IQGAP2: variants seen among roughly 807,000 people sequenced by gnomAD.
IQGAP2 encodes the protein IQ motif containing GTPase activating protein 2.
In IQGAP2, 173 loss-of-function variants were observed where a neutral mutation model predicts 201.3. That is an observed-to-expected ratio of 0.86 (90% CI 0.76 to 0.98). The LOEUF is 0.98. Among genes scored for constraint, IQGAP2 ranks in the 50% least tolerant of loss-of-function variants. IQGAP2 has a pLI of 0.00. For synonymous variants in IQGAP2, 675 were observed against 673.9 expected (o/e 1.00, Z -0.03); for missense variants, 1,687 against 1,864.8 (o/e 0.90, Z 1.76).
chr5:76,424,281 T>C (rs992156079), intron 1 of IQGAP2, among the ~76,000 whole-genome samples: 38 of 152,176 alleles, frequency 2.5e-4, no homozygotes, highest in Non-Finnish European at 1.5e-4. Context: ...TATAAACCTT[T>C]TTTTCCCTAA....
At chr5:76,620,992 T>C (rs1339291929) in intron 13 of IQGAP2, among the ~76,000 whole-genome samples, 1 of 152,166 alleles carries the variant, frequency 6.6e-6, no homozygotes, top group African/African-American at 2.4e-5. Flanking sequence ...GTATAGAAAA[T>C]AGATTCTCCC....
chr5:76,592,395 C>T (rs993789402), intron 8 of IQGAP2, among the ~76,000 whole-genome samples: 2 of 152,148 alleles, frequency 1.3e-5, no homozygotes, highest in African/African-American at 4.8e-5. Flanking sequence ...ATTATGATCT[C>T]TTTGCAAAAT....
At chr5:76,515,753 G>GT (rs1174952377) in intron 2 of IQGAP2, among the ~76,000 whole-genome samples, 14 of 151,494 alleles carry the variant, frequency 9.2e-5, no homozygotes, top group African/African-American at 3.2e-4. Context: ...AAATAAAGTA[G>GT]TTTTTTTGTT....
At chr5:76,480,579 T>G (rs1755713934) in intron 2 of IQGAP2, among the ~76,000 whole-genome samples, 2 of 152,210 alleles carry the variant, frequency 1.3e-5, no homozygotes, top group Non-Finnish European at 2.9e-5. Context: ...TGGAGGAAGC[T>G]CAGTGTTTTT....
At chr5:76,486,597 T>TTG (rs1207782478) in intron 2 of IQGAP2, among the ~76,000 whole-genome samples, 2 of 151,930 alleles carry the variant, frequency 1.3e-5, no homozygotes, top group Non-Finnish European at 2.9e-5. Flanking sequence ...TAGGGGGAAG[T>TTG]TTTTCCTAAA....
At chr5:76,483,661 C>T (rs544587396) in intron 2 of IQGAP2, among the ~76,000 whole-genome samples, 4 of 152,290 alleles carry the variant, frequency 2.6e-5, no homozygotes, top group African/African-American at 4.8e-5. Flanking sequence ...TGCAGTAGGA[C>T]GGCACCTCTC....
intron 13 of IQGAP2, among the ~76,000 whole-genome samples, chr5:76,625,379 A>G (rs1220990242): frequency 6.6e-6 from 1 of 152,218 alleles, no homozygotes; most frequent in East Asian, 1.9e-4. Context: ...TTTTTAGGTT[A>G]TAGCTGGGGA....
intron 2 of IQGAP2, among the ~76,000 whole-genome samples, chr5:76,493,610 T>TA (rs1360864266): frequency 7.2e-5 from 11 of 152,202 alleles, no homozygotes; most frequent in Non-Finnish European, 1.6e-4. Context: ...CCCCACCCCA[T>TA]AGGTGGCTCT....
intron 1 of IQGAP2, among the ~76,000 whole-genome samples, chr5:76,443,621 A>G (rs1183397865): frequency 6.6e-6 from 1 of 152,110 alleles, no homozygotes. Context: ...TCTTCCTCTG[A>G]AAATAAAGCC....
intron 2 of IQGAP2, among the ~76,000 whole-genome samples, chr5:76,534,902 A>C (rs1482177801): frequency 2.0e-5 from 3 of 152,246 alleles, no homozygotes; most frequent in Non-Finnish European, 4.4e-5. Context: ...AATAATGACT[A>C]TCAGTTGAAT....
intron 24 of IQGAP2, among the ~76,000 whole-genome samples, chr5:76,672,885 T>G (rs1744469816): frequency 1.5e-5 from 2 of 130,870 alleles, no homozygotes; most frequent in African/African-American, 5.7e-5. Flanking sequence ...AAGGGGAACA[T>G]CACACTCTGG....
chr5:76,473,083 A>G (rs1258864478), intron 2 of IQGAP2, among the ~76,000 whole-genome samples: 1 of 152,262 alleles, frequency 6.6e-6, no homozygotes, highest in Non-Finnish European at 1.5e-5. Flanking sequence ...CGACAGCAAC[A>G]GTATTACAAC....
At chr5:76,510,231 C>T (rs1398656462) in intron 2 of IQGAP2, among the ~76,000 whole-genome samples, 1 of 152,120 alleles carries the variant, frequency 6.6e-6, no homozygotes, top group Non-Finnish European at 1.5e-5. Flanking sequence ...AACTCCTGAC[C>T]TCAGATGATC....
intron 2 of IQGAP2, among the ~76,000 whole-genome samples, chr5:76,487,784 C>G (rs1294516818): frequency 6.6e-6 from 1 of 152,208 alleles, no homozygotes; most frequent in East Asian, 1.9e-4. Flanking sequence ...CCTGGCACAG[C>G]TCACCTCCAG....
At chr5:76,601,970 C>T (rs903784471) in intron 11 of IQGAP2, among the ~76,000 whole-genome samples, 1 of 152,132 alleles carries the variant, frequency 6.6e-6, no homozygotes, top group Non-Finnish European at 1.5e-5. Context: ...TTTATATCTA[C>T]CACCACTGTT....
intron 1 of IQGAP2, among the ~76,000 whole-genome samples, chr5:76,434,102 G>A (rs568877753): frequency 6.6e-6 from 1 of 152,094 alleles, no homozygotes; most frequent in African/African-American, 2.4e-5. Flanking sequence ...ATTTGCCACC[G>A]TATTCTCTAG....
rs140221253 is a variant in IQGAP2 at position 76,623,908 on chromosome 5, C to T, written c.1522-3502C>T. On this transcript the variant is annotated intron_variant, in intron 13 of 35. Coordinates refer to ENST00000274364, the MANE Select transcript of IQGAP2 (RefSeq NM_006633.5). ...CTTTTGAGTGGTGGTGGTTTTTCTT[C>T]GCCGGGTGAGGATGGCGTTTGTTCA... 3.7e-3 allele frequency among the ~76,000 whole-genome samples: 504 copies of T among 137,594 alleles called. 3 individuals are homozygous for T. Among genetic ancestry groups the T allele is most frequent in the African/African-American group, 0.011 (394 of 37,162 alleles). 90.3% of individuals were successfully genotyped at this position (137,594 alleles called of 152,430 possible).
intron 2 of IQGAP2, among the ~76,000 whole-genome samples, chr5:76,558,514 A>AT (rs149605795): frequency 0.016 from 2,455 of 152,080 alleles, 66 homozygotes; most frequent in African/African-American, 0.055. Context: ...ACTTGGCCAT[A>AT]TTTTTTTTAA....
intron 2 of IQGAP2, among the ~76,000 whole-genome samples, chr5:76,555,218 G>A (rs1433024671): frequency 1.3e-5 from 2 of 152,176 alleles, no homozygotes; most frequent in Non-Finnish European, 2.9e-5. Context: ...AATTGATAAT[G>A]ATGATGGTCT....
Sources: gnomAD v4.1 joint callset for allele counts (sites outside exome capture counted in the v4.1 genomes callset) on GRCh38, gnomAD v4.1.1 for gene constraint, MANE v1.5 for transcripts, NCBI Gene and HGNC (gene_info 2026-07-23, HGNC 2026-07-21) for gene names.